WWOX: variants seen among roughly 807,000 people sequenced by gnomAD.
WWOX encodes WW domain containing oxidoreductase.
Under a neutral mutation model 46.2 loss-of-function variants are expected in WWOX, and 69 were observed. That is an observed-to-expected ratio of 1.49 (90% confidence interval 1.23 to 1.82). WWOX has a LOEUF of 1.82. WWOX is among the 40% of genes most tolerant of loss of function. The pLI, the probability that WWOX is intolerant of heterozygous loss-of-function variation, is 0.00. For missense variants in WWOX, 919 were observed against 542.6 expected (o/e 1.69, Z -6.89); for synonymous variants, 359 against 202.6 (o/e 1.77, Z -6.56).
intron 3 of WWOX, among the ~76,000 whole-genome samples, chr16:78,110,992 T>G (rs2032457114): frequency 6.6e-6 from 1 of 152,006 alleles, no homozygotes; most frequent in Non-Finnish European, 1.5e-5. Flanking sequence ...TAATAGAAGT[T>G]GATTTGAGCA....
chr16:78,528,048 G>A (rs369429758), intron 8 of WWOX, among the ~76,000 whole-genome samples: 1 of 122,008 alleles, frequency 8.2e-6, no homozygotes, highest in Non-Finnish European at 1.7e-5. Flanking sequence ...GCCCAGGCTG[G>A]AGTGCAGTGG....
intron 8 of WWOX, among the ~76,000 whole-genome samples, chr16:78,450,529 G>T (rs887610077): frequency 1.3e-5 from 2 of 152,150 alleles, no homozygotes; most frequent in Non-Finnish European, 2.9e-5. Context: ...AAAAAATACT[G>T]TGTATCAACT....
At chr16:78,295,431 G>C (rs942943440) in intron 5 of WWOX, among the ~76,000 whole-genome samples, 2 of 152,166 alleles carry the variant, frequency 1.3e-5, no homozygotes, top group African/African-American at 2.4e-5. Flanking sequence ...GTTCTCCAAG[G>C]CCAGGTGTGG....
intron 8 of WWOX, among the ~76,000 whole-genome samples, chr16:78,935,954 G>A (rs149257749): frequency 2.0e-5 from 3 of 151,982 alleles, no homozygotes; most frequent in African/African-American, 7.2e-5. Flanking sequence ...CAGCAGCTAG[G>A]TTCCAAAAAA....
At chr16:78,816,774 T>G (rs942702709) in intron 8 of WWOX, among the ~76,000 whole-genome samples, 3 of 152,040 alleles carry the variant, frequency 2.0e-5, no homozygotes, top group Non-Finnish European at 4.4e-5. Flanking sequence ...GTGGCTCAGT[T>G]TTTTTTGGTT....
intron 5 of WWOX, among the ~76,000 whole-genome samples, chr16:78,289,264 C>T (rs1003214104): frequency 3.3e-5 from 5 of 152,088 alleles, no homozygotes; most frequent in East Asian, 1.9e-4. Context: ...AGTGAATTGC[C>T]GTGGGAATGC....
intron 8 of WWOX, among the ~76,000 whole-genome samples, chr16:78,665,158 G>GT (rs2047301720): frequency 6.6e-6 from 1 of 152,100 alleles, no homozygotes; most frequent in African/African-American, 2.4e-5. Flanking sequence ...GGTGGTCCGG[G>GT]TTCCTGGAGT....
rs1251272581 is a variant in WWOX, at chr16:78,386,931, A to T, written c.588A>T (p.Ala196=). The change falls in exon 6 of 9, where the codon GCA becomes GCT. Residue 196 remains alanine (A), a synonymous_variant. Coordinates refer to ENST00000566780, the MANE Select transcript of WWOX (RefSeq NM_016373.4). Reference sequence around the variant, plus strand: ...GTAGCGTGCAGCATTTTGCTGAAGCATTCAAGGCCAAGAATGTGTGAGTGT... The same window carrying T: ...GTAGCGTGCAGCATTTTGCTGAAGCTTTCAAGGCCAAGAATGTGTGAGTGT... ...LLRSVQHFAE[A]FKAKNVPLHV... is the part of the protein sequence containing the mutation. 1 of 1,614,020 alleles carries T rather than the reference A, an allele frequency of 6.2e-7. No individual in the cohort carries two copies. Among genetic ancestry groups the T allele is most frequent in the African/African-American group, 1.3e-5 (1 of 74,934 alleles).
chr16:78,485,309 G>A (rs563314205), intron 8 of WWOX, among the ~76,000 whole-genome samples: 1 of 151,996 alleles, frequency 6.6e-6, no homozygotes, highest in Non-Finnish European at 1.5e-5. Flanking sequence ...TGATCTTTTG[G>A]GTGGTTGATG....
chr16:78,391,367 T>C (rs895763588), intron 6 of WWOX, among the ~76,000 whole-genome samples: 1 of 152,236 alleles, frequency 6.6e-6, no homozygotes, highest in East Asian at 1.9e-4. Context: ...ACCATGATTA[T>C]CCCTACTTTG....
chr16:78,862,490 A>G (rs1481987374), intron 8 of WWOX, among the ~76,000 whole-genome samples: 3 of 152,004 alleles, frequency 2.0e-5, no homozygotes, highest in Non-Finnish European at 4.4e-5. Context: ...GCATACACAC[A>G]CACATTTTTC....
intron 8 of WWOX, among the ~76,000 whole-genome samples, chr16:78,777,252 C>G (rs559909935): frequency 3.9e-5 from 6 of 152,138 alleles, no homozygotes; most frequent in South Asian, 4.2e-4. Context: ...GTGACATTTC[C>G]TCTGTGCCTC....
chr16:78,608,620 A>G (rs137992962), intron 8 of WWOX, among the ~76,000 whole-genome samples: 1 of 152,192 alleles, frequency 6.6e-6, no homozygotes, highest in African/African-American at 2.4e-5. Flanking sequence ...GGAAGGGTCA[A>G]GTGCAGGGTC....
At chr16:78,860,708 C>G (rs1034118160) in intron 8 of WWOX, among the ~76,000 whole-genome samples, 1 of 152,226 alleles carries the variant, frequency 6.6e-6, no homozygotes, top group African/African-American at 2.4e-5. Context: ...TGCCAACATC[C>G]GCTTTAGTGC....
intron 8 of WWOX, among the ~76,000 whole-genome samples, chr16:78,969,827 T>G (rs2046436053): frequency 6.6e-6 from 1 of 152,134 alleles, no homozygotes; most frequent in African/African-American, 2.4e-5. Flanking sequence ...GTAGAGTGGT[T>G]GCCAGGGGCT....
chr16:78,803,915 G>A (rs1182396881), intron 8 of WWOX, among the ~76,000 whole-genome samples: 1 of 152,186 alleles, frequency 6.6e-6, no homozygotes, highest in Non-Finnish European at 1.5e-5. Flanking sequence ...ACAGGTGTGT[G>A]TGTGGGTGGG....
chr16:78,361,993 A>G (rs1252974573), intron 5 of WWOX, among the ~76,000 whole-genome samples: 3 of 99,122 alleles, frequency 3.0e-5, no homozygotes, highest in African/African-American at 1.1e-4. Flanking sequence ...TTGATTTATT[A>G]ATACCTCCAT....
intron 8 of WWOX, among the ~76,000 whole-genome samples, chr16:78,826,539 TCTC>T (rs551864639): frequency 2.6e-4 from 40 of 152,298 alleles, no homozygotes; most frequent in African/African-American, 9.4e-4. Flanking sequence ...CACATGGCCT[TCTC>T]CTCTTCTCCT....
intron 8 of WWOX, among the ~76,000 whole-genome samples, chr16:79,155,648 C>T (rs576275147): frequency 1.4e-5 from 2 of 145,838 alleles, no homozygotes; most frequent in South Asian, 4.2e-4. Flanking sequence ...GCATGAATTG[C>T]TTGGGGGATT....
Sources: gnomAD v4.1 joint callset for allele counts (sites outside exome capture counted in the v4.1 genomes callset) on GRCh38, gnomAD v4.1.1 for gene constraint, MANE v1.5 for transcripts, NCBI Gene and HGNC (gene_info 2026-07-23, HGNC 2026-07-21) for gene names.